The following ITGB4 variants were observed in gnomAD, a reference collection of about 807,000 sequenced individuals.
The protein encoded by ITGB4 is integrin subunit beta 4.
ITGB4 carries 159 observed loss-of-function variants against 207.6 expected under a neutral mutation model. The ratio of observed to expected loss-of-function variants is 0.77; its 90% CI spans 0.67 to 0.87. The LOEUF is 0.87. ITGB4 is among the 40% of genes least tolerant of loss of function. The pLI is 0.00. For missense variants in ITGB4, 2,278 were observed against 2,546.8 expected, an observed-to-expected ratio of 0.89 and a Z score of 2.27; for synonymous variants, 1,020 against 1,062.7, an observed-to-expected ratio of 0.96 and a Z score of 0.78.
Position 75,732,294 on chromosome 17 carries a change from G to C in ITGB4, c.1454+55G>C. On this transcript the variant is annotated intron_variant, in intron 12 of 39. Coordinates refer to ENST00000200181, the MANE Select transcript of ITGB4 (RefSeq NM_000213.5). The surrounding 1 kb of genome is among the most constrained non-coding windows in gnomAD (Gnocchi z 5.3). ...GACACCAGTGGCCCCTGATGGGAAA[G>C]CTGGGCTCCTGCAGGGGCCTGGCCC... The C allele has an allele frequency of 6.4e-7, 1 of 1,556,500 alleles. No homozygotes were observed. The highest frequency in any genetic ancestry group is 2.2e-5 in the East Asian group (1 of 44,592).
chr17:75,722,757 CTGTGTGTGTGTGTGTG>C lies in ITGB4; in HGVS notation c.-11+1165_-11+1180del, dbSNP rs55981241. On this transcript the variant is annotated intron_variant, in intron 1 of 39. Transcript: ENST00000200181. The surrounding 1 kb of genome is among the most constrained non-coding windows in gnomAD (Gnocchi z 6.2). ...GAGCCTGTGGGTGGGTGGGCATGGC[CTGTGTGTGTGTGTGTG>C]TGTGTGTGTGTGTGTGTGTCCCTGT... is the stretch of plus-strand genomic sequence containing the variant. Among the ~76,000 whole-genome samples the C allele has an allele frequency of 9.6e-5, 13 of 135,164 alleles. No individual in the cohort carries two copies. Among genetic ancestry groups the C allele is most frequent in the African/African-American group, 3.3e-4 (12 of 35,908 alleles). The allele number at this position is 135,164 out of a possible 152,430, so 88.7% of individuals were successfully genotyped here. A position where few individuals can be genotyped will look rare whatever the true frequency, so the allele number is the denominator to read the frequency against.
intron 5 of ITGB4, among the ~76,000 whole-genome samples, 185 bp from the exon 6 acceptor site, chr17:75,728,192 A>AC (rs1489395389): frequency 1.3e-5 from 2 of 152,124 alleles, no homozygotes; most frequent in East Asian, 3.9e-4. Context: ...ATAACTCCAG[A>AC]CCCCCAGTCC....
At chr17:75,733,806 A>C in intron 13 of ITGB4, 114 bp downstream of exon 13, 1 of 1,209,486 alleles carries the variant, frequency 8.3e-7, no homozygotes, top group East Asian at 2.5e-5. Context: ...AGAATCCCCA[A>C]GTTCAGGCCC....
rs2060857117 is a variant in ITGB4 at position 75,731,480 on chromosome 17, G to A, written c.1215+112G>A. On this transcript the variant is annotated intron_variant, in intron 10 of 39. Transcript: ENST00000200181. This position sits in a 1 kb window ranked among gnomAD's most constrained non-coding sequence, Gnocchi z 6.8. ...GGCCCCTGGAGTCAGGCAGGCCTGGGTGCAGATCCCTGGGCCTAGCCGCTC... is the reference window on the plus strand; with the variant it reads ...GGCCCCTGGAGTCAGGCAGGCCTGGATGCAGATCCCTGGGCCTAGCCGCTC... The A allele has an allele frequency of 8.6e-7, 1 of 1,162,506 alleles. No individual in the cohort carries two copies. The highest frequency in any genetic ancestry group is 1.2e-6 in the Non-Finnish European group (1 of 814,756). 72.0% of individuals were successfully genotyped at this position (1,162,506 alleles called of 1,614,324 possible). A position where few individuals can be genotyped will look rare whatever the true frequency, so the allele number is the denominator to read the frequency against.
chr17:75,732,839 C>T lies in ITGB4; in HGVS notation c.1454+600C>T, dbSNP rs181551920. ...AGGTGGCTCACACCTGTAATCCCAG[C>T]ACTTTGGGAGGCCGAGGTGGGTGGA... On this transcript the variant is annotated intron_variant, in intron 12 of 39. Transcript: ENST00000200181. The surrounding 1 kb of genome is among the most constrained non-coding windows in gnomAD (Gnocchi z 5.3). 6.6e-6 allele frequency among the ~76,000 whole-genome samples: 1 copy of T among 152,148 alleles called. No individual in the cohort carries two copies. Among genetic ancestry groups the T allele is most frequent in the Non-Finnish European group, 1.5e-5 (1 of 68,016 alleles).
In ITGB4 at chr17:75,736,654, A is replaced by C; in HGVS notation, c.1950A>C (p.Glu650Asp). The C allele has an allele frequency of 1.9e-6, 3 of 1,599,414 alleles. No homozygotes were observed. Among genetic ancestry groups the C allele is most frequent in the Non-Finnish European group, 2.6e-6 (3 of 1,174,224 alleles). ...TGEKKGRTCE[E>D]CNFKVKMVDE... Reference sequence around the variant, plus strand: ...AGAAGAAGGGGCGCACGTGTGAGGAATGCAACTTCAAGGTCAAGATGGTGG... The same window carrying C: ...AGAAGAAGGGGCGCACGTGTGAGGACTGCAACTTCAAGGTCAAGATGGTGG... The change falls in exon 16 of 40, where the codon GAA becomes GAC. Residue 650 changes from glutamate to aspartate, a missense_variant. Glu to Asp is a conservative substitution (Grantham distance 45). Transcript: ENST00000200181.
In ITGB4 at chr17:75,736,385, C is replaced by T. The variant is rs756649625; in HGVS notation, c.1859C>T (p.Ala620Val). ...ACCATCTGCGAGATCAACTACTCGGCGGTGAGGCTAAGACCTACGAGGTGT... is the reference window on the plus strand; with the variant it reads ...ACCATCTGCGAGATCAACTACTCGGTGGTGAGGCTAAGACCTACGAGGTGT... ...TDTICEINYS[A>V]IHPGLCEDLR... The change falls in exon 15 of 40, where the codon GCG becomes GTG. Residue 620 changes from alanine (A) to valine (V), a missense_variant and splice_region_variant. Transcript: ENST00000200181. The T allele has an allele frequency of 5.0e-5, 80 of 1,613,908 alleles. No homozygotes were observed. The East Asian group carries it at 8.2e-4, about 17-fold the overall frequency.
chr17:75,737,701 G>A (rs1004659397), intron 18 of ITGB4, 57 bp downstream of exon 18: 72 of 1,431,238 alleles, frequency 5.0e-5, no homozygotes, highest in Non-Finnish European at 6.3e-5. Context: ...ACCCCAACAG[G>A]GCCCCCACCC....
At chr17:75,754,504 A>T in intron 33 of ITGB4, 72 bp from the exon 34 acceptor site, 1 of 1,599,194 alleles carries the variant, frequency 6.3e-7, no homozygotes, top group Non-Finnish European at 8.5e-7. Context: ...AGGAATGTGC[A>T]GGGCCCAGCC....
Position 75,733,578 on chromosome 17 carries a change from C to G in ITGB4, c.1543C>G (p.Arg515Gly). Reference protein sequence around the residue: ...REGEDKPCSGRGECQCGHCVC... With the variant: ...REGEDKPCSGGGECQCGHCVC... ...GGGCGAGGACAAGCCGTGCTCCGGC[C>G]GTGGGGAGTGCCAGTGCGGGCACTG... Residue 515 changes from arginine (R) to glycine (G), a missense_variant, in exon 13 of 40, where the codon CGT (arginine) becomes GGT (glycine). Arg to Gly is a moderately radical substitution (Grantham distance 125, BLOSUM62 -2). Transcript: ENST00000200181. 1 of 1,614,046 alleles carries G rather than the reference C, an allele frequency of 6.2e-7. No individual in the cohort carries two copies. Among genetic ancestry groups the G allele is most frequent in the Non-Finnish European group, 8.5e-7 (1 of 1,180,018 alleles).
Position 75,742,408 on chromosome 17 carries a change from C to T in ITGB4, c.2701C>T (p.Leu901Phe), listed in dbSNP as rs145644205. 754 of 1,613,428 alleles carry T rather than the reference C, an allele frequency of 4.7e-4. 3 individuals are homozygous for T. The African/African-American group carries it at 8.7e-3, about 19-fold the overall frequency. The stretch of plus-strand genomic sequence containing the variant: ...CTCGGCCAAGCCGGCCCTGCTGAAG[C>T]TTACAGAGAAGCAGGTGGAACAGAG... Reference protein sequence around the residue: ...PRSAKPALLKLTEKQVEQRAF... With the variant: ...PRSAKPALLKFTEKQVEQRAF... The change falls in exon 24 of 40, where the codon CTT becomes TTT. Residue 901 changes from leucine to phenylalanine, a missense_variant. Physicochemically the swap from Leu to Phe is conservative, Grantham distance 22. Coordinates refer to ENST00000200181, the MANE Select transcript of ITGB4 (RefSeq NM_000213.5). The surrounding 1 kb of genome is among the most constrained non-coding windows in gnomAD (Gnocchi z 5.9).
In ITGB4 at chr17:75,732,055, G is replaced by T; in HGVS notation, c.1377+82G>T. ...CTGAGGAATGAAGCAGGACTCCTGT[G>T]CCCCATATCCCTTGTGGGGTTTCCC... On this transcript the variant is annotated intron_variant, in intron 11 of 39. Coordinates refer to ENST00000200181, the MANE Select transcript of ITGB4 (RefSeq NM_000213.5). The surrounding 1 kb of genome is among the most constrained non-coding windows in gnomAD (Gnocchi z 5.3). 6.2e-7 allele frequency: 1 copy of T among 1,608,544 alleles called. No individual in the cohort carries two copies. Among genetic ancestry groups the T allele is most frequent in the East Asian group, 2.2e-5 (1 of 44,874 alleles).
intron 2 of ITGB4, among the ~76,000 whole-genome samples, chr17:75,725,453 C>G (rs1385116627): frequency 1.3e-5 from 2 of 152,206 alleles, no homozygotes; most frequent in Non-Finnish European, 2.9e-5. Flanking sequence ...GCTAGGACCA[C>G]AGGCATGCAC....
At chr17:75,738,969 C>G (rs1453384659) in intron 18 of ITGB4, among the ~76,000 whole-genome samples, 1 of 144,034 alleles carries the variant, frequency 6.9e-6, no homozygotes, top group East Asian at 2.2e-4. Flanking sequence ...GAGTGAGACT[C>G]AAAAAGAAAA....
At position 75,742,128 on chromosome 17, in the gene ITGB4, G is replaced by T. The variant is rs1039960446; in HGVS notation, c.2634-213G>T. ...AGAAGCCCATTTCACAGAGGAGGAC[G>T]CTGAGGACAGGGAGGCGCCATGGCT... On this transcript the variant is annotated intron_variant, in intron 23 of 39. Transcript: ENST00000200181. The surrounding 1 kb of genome is among the most constrained non-coding windows in gnomAD (Gnocchi z 5.9). Among the ~76,000 whole-genome samples, 3 of 152,376 alleles carry T rather than the reference G, an allele frequency of 2.0e-5. No individual in the cohort carries two copies. The highest frequency in any genetic ancestry group is 1.3e-4 in the Admixed American group (2 of 15,312).
At position 75,730,612 on chromosome 17, in the gene ITGB4, T is replaced by C. The variant is rs188349377; in HGVS notation, c.1002+108T>C. 1,656 of 997,360 alleles carry C rather than the reference T, an allele frequency of 1.7e-3. 23 individuals are homozygous for C. The highest frequency in any genetic ancestry group is 0.014 in the African/African-American group (636 of 47,008). 61.8% of individuals were successfully genotyped at this position (997,360 alleles called of 1,614,324 possible). A position where few individuals can be genotyped will look rare whatever the true frequency, so the allele number is the denominator to read the frequency against. On this transcript the variant is annotated intron_variant, in intron 8 of 39. Transcript: ENST00000200181. Reference sequence around the variant, plus strand: ...TCCCTCCCTCCCTCCCTTCCTCCCTTCCTCCCTCCCTCTTTTCCTCCCTTT... The same window carrying C: ...TCCCTCCCTCCCTCCCTTCCTCCCTCCCTCCCTCCCTCTTTTCCTCCCTTT...
intron 13 of ITGB4, among the ~76,000 whole-genome samples, chr17:75,734,127 GTTTTTTTTTTT>G (rs58249158): frequency 2.6e-5 from 2 of 76,058 alleles, no homozygotes; most frequent in Non-Finnish European, 4.7e-5. Flanking sequence ...TGTTGCTGCT[GTTTTTTTTTTT>G]TTTTTTTTTT....
chr17:75,726,664 G>A (rs940879612), intron 2 of ITGB4, among the ~76,000 whole-genome samples: 13 of 150,536 alleles, frequency 8.6e-5, no homozygotes, highest in Non-Finnish European at 1.5e-4. Context: ...CCTGGGAGGC[G>A]GAGGTTGAAG....
intron 13 of ITGB4, among the ~76,000 whole-genome samples, chr17:75,734,268 G>A (rs776032097): frequency 4.6e-5 from 7 of 151,244 alleles, no homozygotes; most frequent in Non-Finnish European, 7.4e-5. Flanking sequence ...TCCCTAGTAG[G>A]TGGGACTATA....
Sources: allele counts gnomAD v4.1 joint callset (sites outside exome capture counted in the v4.1 genomes callset), GRCh38; gene constraint gnomAD v4.1.1; non-coding constraint Gnocchi (gnomAD v3.1); transcripts MANE v1.5; gene names NCBI Gene and HGNC (gene_info 2026-07-23, HGNC 2026-07-21).